The following NEDD1 variants were observed in gnomAD, a reference collection of about 807,000 sequenced individuals.
The protein encoded by NEDD1 is protein NEDD1.
In NEDD1, 33 loss-of-function variants were observed where a neutral mutation model predicts 74.0. That is an observed-to-expected ratio of 0.45 (90% confidence interval 0.34 to 0.60). The LOEUF (loss-of-function observed/expected upper bound fraction) is 0.60, where lower values mean the gene tolerates loss of function less well. Ranked by LOEUF, NEDD1 falls within the 20% of genes least tolerant of loss-of-function variation. NEDD1 has a pLI of 0.01. For missense variants in NEDD1, 746 were observed against 776.5 expected (o/e 0.96, Z 0.47); for synonymous variants, 250 against 264.4 (o/e 0.95, Z 0.53).
At chr12:96,910,784 A>T (rs1373046173) in intron 3 of NEDD1, among the ~76,000 whole-genome samples, 1 of 152,224 alleles carries the variant, frequency 6.6e-6, no homozygotes, top group Admixed American at 6.5e-5. Flanking sequence ...AAAATGTTTT[A>T]TGTAATTGGT....
chr12:96,951,782 C>T (rs970625956), intron 15 of NEDD1, among the ~76,000 whole-genome samples, 167 bp from the exon 16 acceptor site: 4 of 151,690 alleles, frequency 2.6e-5, no homozygotes, highest in Non-Finnish European at 4.4e-5. Flanking sequence ...ATTTCACCAA[C>T]GATCTTCCAT....
Position 96,920,096 on chromosome 12 carries a change from A to G in NEDD1, c.460A>G (p.Ser154Gly), listed in dbSNP as rs776239056. The G allele has an allele frequency of 1.9e-6, 3 of 1,603,786 alleles. No individual in the cohort carries two copies. Among genetic ancestry groups the G allele is most frequent in the African/African-American group, 2.7e-5 (2 of 74,646 alleles). ...ACACAGTGTAACCACTAATTTATCT[A>G]GTACTCCTTTTGGCCATGGTAGTAA... The part of the protein sequence containing the change: ...ILHSVTTNLS[S>G]TPFGHGSNQS... The change falls in exon 6 of 16, where the codon AGT becomes GGT. Residue 154 changes from serine to glycine, a missense_variant. By Grantham distance (56) the Ser-to-Gly change is moderately conservative (BLOSUM62 0). Transcript: ENST00000266742.
rs1235513009 is a variant in NEDD1, at chr12:96,907,625, G to A, written c.-240G>A. ...GCAGGTACTTGGATGCATTTTACAGGTTAGCCTCACTTGAGCTGTTGTCCT... is the reference window on the plus strand; with the variant it reads ...GCAGGTACTTGGATGCATTTTACAGATTAGCCTCACTTGAGCTGTTGTCCT... On this transcript the variant is annotated 5_prime_UTR_variant, in exon 2 of 16. Transcript: ENST00000266742. The A allele has an allele frequency of 6.4e-7, 1 of 1,551,140 alleles. No individual in the cohort carries two copies. Among genetic ancestry groups the A allele is most frequent in the African/African-American group, 1.4e-5 (1 of 73,038 alleles).
chr12:96,915,100 T>C (rs1295264787), intron 4 of NEDD1, among the ~76,000 whole-genome samples: 2 of 152,326 alleles, frequency 1.3e-5, no homozygotes, highest in Non-Finnish European at 2.9e-5. Context: ...ATTCCTAGAA[T>C]GGTATCTGCA....
Position 96,937,410 on chromosome 12 carries a change from T to C in NEDD1, c.1117+17T>C. The C allele has an allele frequency of 6.8e-7, 1 of 1,460,046 alleles. No homozygotes were observed. Among genetic ancestry groups the C allele is most frequent in the Non-Finnish European group, 9.2e-7 (1 of 1,083,118 alleles). 90.4% of individuals were successfully genotyped at this position (1,460,046 alleles called of 1,614,324 possible). On this transcript the variant is annotated intron_variant, in intron 9 of 15. Coordinates refer to ENST00000266742, the MANE Select transcript of NEDD1 (RefSeq NM_152905.4). ...AAAAAGCAGGTAAATGTTGCTTATATATTGTTGGAGGGTTGGTTTGTTTTT... is the reference window on the plus strand; with the variant it reads ...AAAAAGCAGGTAAATGTTGCTTATACATTGTTGGAGGGTTGGTTTGTTTTT...
intron 13 of NEDD1, 52 bp downstream of exon 13, chr12:96,944,847 C>T (rs1362890073): frequency 7.7e-7 from 1 of 1,305,916 alleles, no homozygotes. Flanking sequence ...GAAAAATCAT[C>T]CCCATTATTT....
chr12:96,934,676 T>TA (rs1876902368), intron 6 of NEDD1, among the ~76,000 whole-genome samples: 1 of 152,070 alleles, frequency 6.6e-6, no homozygotes, highest in Admixed American at 6.6e-5. Context: ...TAGCTGTAAT[T>TA]ACAGGCGCCT....
chr12:96,947,645 C>A (rs1878324015), intron 14 of NEDD1, among the ~76,000 whole-genome samples: 1 of 152,180 alleles, frequency 6.6e-6, no homozygotes, highest in South Asian at 2.1e-4. Flanking sequence ...GCCTTTCCTT[C>A]AGCAGACCCA....
chr12:96,925,615 CTT>C (rs1355898366), intron 6 of NEDD1, among the ~76,000 whole-genome samples: 4 of 152,168 alleles, frequency 2.6e-5, no homozygotes, highest in Non-Finnish European at 5.9e-5. Context: ...TTTCTTGTCT[CTT>C]TGTGCAGGAG....
chr12:96,941,281 C>T (rs78543463), intron 10 of NEDD1, among the ~76,000 whole-genome samples: 418 of 152,066 alleles, frequency 2.7e-3, no homozygotes, highest in Non-Finnish European at 4.4e-3. Context: ...AGCAGGATCT[C>T]GAAGTTGTTT....
intron 9 of NEDD1, 85 bp from the exon 10 acceptor site, chr12:96,940,324 G>C: frequency 1.4e-6 from 1 of 712,170 alleles, no homozygotes; most frequent in Non-Finnish European, 2.3e-6. Context: ...AACAATATGA[G>C]TGATACATTA....
intron 14 of NEDD1, among the ~76,000 whole-genome samples, chr12:96,947,203 TAAAG>T (rs1238820167): frequency 6.6e-6 from 1 of 152,220 alleles, no homozygotes; most frequent in Non-Finnish European, 1.5e-5. Context: ...TACACAGTGT[TAAAG>T]AATATACGTT....
intron 12 of NEDD1, 32 bp downstream of exon 12, chr12:96,943,794 G>C: frequency 7.0e-7 from 1 of 1,430,912 alleles, no homozygotes; most frequent in Non-Finnish European, 9.8e-7. Flanking sequence ...TGAACTCACT[G>C]TATGTGTTTA....
At chr12:96,926,311 G>A (rs936053962) in intron 6 of NEDD1, among the ~76,000 whole-genome samples, 3 of 152,104 alleles carry the variant, frequency 2.0e-5, no homozygotes, top group Admixed American at 2.0e-4. Flanking sequence ...TTTGACTAGA[G>A]TCTGTTGGTT....
At chr12:96,920,738 C>T (rs113821271) in intron 6 of NEDD1, among the ~76,000 whole-genome samples, 9 of 152,184 alleles carry the variant, frequency 5.9e-5, no homozygotes, top group East Asian at 1.9e-4. Flanking sequence ...CCATAAGATT[C>T]GCCATAGAAA....
Position 96,907,305 on chromosome 12 carries a change from G to C in NEDD1, c.-262+5G>C, listed in dbSNP as rs1478165895. The C allele has an allele frequency of 6.1e-6, 2 of 325,492 alleles. No individual in the cohort carries two copies. The highest frequency in any genetic ancestry group is 1.1e-5 in the Non-Finnish European group (2 of 180,812). The allele number at this position is 325,492 out of a possible 1,614,324, so 20.2% of individuals were successfully genotyped here. On this transcript the variant is annotated splice_donor_5th_base_variant and intron_variant, in intron 1 of 15. Transcript: ENST00000266742. Reference sequence around the variant, plus strand: ...CTGTTGTGTTGCTGCGGAGAGGTGAGGTTCCGGAGGCCCTGAGGTCAGCGG... The same window carrying C: ...CTGTTGTGTTGCTGCGGAGAGGTGACGTTCCGGAGGCCCTGAGGTCAGCGG...
At position 96,944,194 on chromosome 12, in the gene NEDD1, A is replaced by G. The variant is rs79380851; in HGVS notation, c.1497+432A>G. 4.4e-3 allele frequency among the ~76,000 whole-genome samples: 669 copies of G among 152,174 alleles called. 3 individuals carry two copies. Among genetic ancestry groups the G allele is most frequent in the African/African-American group, 0.015 (644 of 41,550 alleles). Reference sequence around the variant, plus strand: ...ATGTAAGGGTTCAAAATGATCAAAAATTACCAGGAAGGCCAAGCCAGTTGG... The same window carrying G: ...ATGTAAGGGTTCAAAATGATCAAAAGTTACCAGGAAGGCCAAGCCAGTTGG... On this transcript the variant is annotated intron_variant, in intron 12 of 15. Coordinates refer to ENST00000266742, the MANE Select transcript of NEDD1 (RefSeq NM_152905.4).
At chr12:96,909,523 G>A (rs903123874) in intron 2 of NEDD1, among the ~76,000 whole-genome samples, 1 of 152,170 alleles carries the variant, frequency 6.6e-6, no homozygotes, top group Non-Finnish European at 1.5e-5. Flanking sequence ...GCAGGCTAAG[G>A]AGGCTGGATT....
At position 96,914,470 on chromosome 12, in the gene NEDD1, A is replaced by G. The variant is rs77543090; in HGVS notation, c.231+1653A>G. 2.8e-4 allele frequency among the ~76,000 whole-genome samples: 43 copies of G among 152,340 alleles called. No individual in the cohort carries two copies. The East Asian group carries it at 8.3e-3, about 29-fold the overall frequency. ...TTGTATCATAATGCTGTTGGATAAA[A>G]GTAAGATTAGTTGAGTTCAAATTTT... is the stretch of plus-strand genomic sequence containing the variant. On this transcript the variant is annotated intron_variant, in intron 4 of 15. Transcript: ENST00000266742.
Sources: allele counts gnomAD v4.1 joint callset (sites outside exome capture counted in the v4.1 genomes callset), GRCh38; gene constraint gnomAD v4.1.1; transcripts MANE v1.5; gene names NCBI Gene and HGNC (gene_info 2026-07-23, HGNC 2026-07-21).